The following CMIP variants were observed in gnomAD, a reference collection of about 807,000 sequenced individuals.
CMIP encodes C-Maf-inducing protein.
Under a neutral mutation model 97.3 loss-of-function variants are expected in CMIP, and 13 were observed. The observed-to-expected ratio is 0.13, with a 90% CI of 0.09 to 0.21. The LOEUF is 0.21. Among genes scored for constraint, CMIP ranks in the 10% least tolerant of loss-of-function variants. The probability of loss-of-function intolerance (pLI) is 1.00; values close to 1 mark genes in which losing one functional copy is unlikely to be tolerated. For missense variants in CMIP, 847 were observed against 1,024.9 expected, an observed-to-expected ratio of 0.83 and a Z score of 2.37; for synonymous variants, 538 against 436.3, an observed-to-expected ratio of 1.23 and a Z score of -2.91.
chr16:81,484,194 C>G (rs558633905), intron 1 of CMIP, among the ~76,000 whole-genome samples: 137 of 152,266 alleles, frequency 9.0e-4, no homozygotes, highest in African/African-American at 3.1e-3. Context: ...GGAAGTCGCC[C>G]TTCCCTGGCG....
chr16:81,571,688 G>A lies in CMIP; in HGVS notation c.301-35879G>A, dbSNP rs192021359. 1.1e-3 allele frequency among the ~76,000 whole-genome samples: 163 copies of A among 152,170 alleles called. 1 individual carries two copies. Among genetic ancestry groups the A allele is most frequent in the African/African-American group, 3.8e-3 (158 of 41,506 alleles). ...GGGATCTTGGTACAGACGAGCAAGC[G>A]GTCCCTTCCTTGGTGTGTGTAGGAC... On this transcript the variant is annotated intron_variant, in intron 1 of 20. Transcript: ENST00000537098.
intron 13 of CMIP, among the ~76,000 whole-genome samples, chr16:81,694,087 C>T (rs1191166747): frequency 1.3e-5 from 2 of 152,200 alleles, no homozygotes; most frequent in African/African-American, 4.8e-5. Flanking sequence ...GGTGCTGTGC[C>T]CCGGGTCACA....
chr16:81,558,278 C>T (rs2090807943), intron 1 of CMIP, among the ~76,000 whole-genome samples: 1 of 152,176 alleles, frequency 6.6e-6, no homozygotes, highest in African/African-American at 2.4e-5. Flanking sequence ...ATCCCTCCAT[C>T]AGCAGACACG....
At chr16:81,691,655 C>A in intron 10 of CMIP, 120 bp from the exon 11 acceptor site, 1 of 755,176 alleles carries the variant, frequency 1.3e-6, no homozygotes, top group Non-Finnish European at 2.3e-6. Context: ...GTGGAGAAGT[C>A]AGTGCCACTG....
In CMIP at chr16:81,614,705, G is replaced by A. The variant is rs1414051216; in HGVS notation, c.427-6171G>A. Reference sequence around the variant, plus strand: ...ATGTGTGTGTGTGTGTGTATGGTATGTCTGCATGTGTGTGCGTACACATGT... The same window carrying A: ...ATGTGTGTGTGTGTGTGTATGGTATATCTGCATGTGTGTGCGTACACATGT... On this transcript the variant is annotated intron_variant, in intron 2 of 20. Coordinates refer to ENST00000537098, the MANE Select transcript of CMIP (RefSeq NM_198390.3). The surrounding 1 kb of genome is among the most constrained non-coding windows in gnomAD (Gnocchi z 5.3). 6.6e-6 allele frequency among the ~76,000 whole-genome samples: 1 copy of A among 151,674 alleles called. No homozygotes were observed. The highest frequency in any genetic ancestry group is 2.4e-5 in the African/African-American group (1 of 41,210).
At chr16:81,601,012 A>G (rs1255486071) in intron 1 of CMIP, among the ~76,000 whole-genome samples, 1 of 152,276 alleles carries the variant, frequency 6.6e-6, no homozygotes, top group Non-Finnish European at 1.5e-5. Flanking sequence ...ACTGTGCAGC[A>G]TGGGTGTCCC....
intron 1 of CMIP, among the ~76,000 whole-genome samples, chr16:81,581,356 G>A (rs2091293817): frequency 6.6e-6 from 1 of 152,120 alleles, no homozygotes; most frequent in Non-Finnish European, 1.5e-5. Context: ...AAGCCTCGAT[G>A]GTGTAGCCTG....
chr16:81,530,096 A>G (rs553507566), intron 1 of CMIP, among the ~76,000 whole-genome samples: 1 of 152,344 alleles, frequency 6.6e-6, no homozygotes, highest in East Asian at 1.9e-4. Flanking sequence ...TCTTTCAGTC[A>G]GGCCGCTATA....
chr16:81,537,262 C>T (rs913096572), intron 1 of CMIP, among the ~76,000 whole-genome samples: 9 of 152,002 alleles, frequency 5.9e-5, no homozygotes, highest in African/African-American at 1.9e-4. Context: ...AGGCTGGGGG[C>T]GGTGGCTCAC....
chr16:81,695,027 T>A (rs1323258075), intron 13 of CMIP, among the ~76,000 whole-genome samples: 2 of 152,184 alleles, frequency 1.3e-5, no homozygotes, highest in Non-Finnish European at 2.9e-5. Flanking sequence ...CCTTTGACGC[T>A]GGGAGAACAA....
intron 1 of CMIP, among the ~76,000 whole-genome samples, chr16:81,590,634 G>C (rs1362072548): frequency 6.6e-6 from 1 of 152,218 alleles, no homozygotes; most frequent in African/African-American, 2.4e-5. Flanking sequence ...ATAGAACTTA[G>C]GGATTGGGTT....
At chr16:81,459,376 G>A (rs918647087) in intron 1 of CMIP, among the ~76,000 whole-genome samples, 7 of 152,006 alleles carry the variant, frequency 4.6e-5, no homozygotes, top group East Asian at 3.9e-4. Flanking sequence ...CTGTGACCCC[G>A]TGCCGTGACC....
chr16:81,562,248 T>C (rs2090897285), intron 1 of CMIP, among the ~76,000 whole-genome samples: 1 of 152,198 alleles, frequency 6.6e-6, no homozygotes, highest in South Asian at 2.1e-4. Context: ...TCAGCCCCCA[T>C]TGTGCAGCAG....
In CMIP at chr16:81,652,878, G is replaced by A. The variant is rs540695112; in HGVS notation, c.639+514G>A. 1.3e-5 allele frequency among the ~76,000 whole-genome samples: 2 copies of A among 152,286 alleles called. No individual in the cohort carries two copies. Among genetic ancestry groups the A allele is most frequent in the African/African-American group, 4.8e-5 (2 of 41,566 alleles). On this transcript the variant is annotated intron_variant, in intron 4 of 20. Transcript: ENST00000537098. The surrounding 1 kb of genome is among the most constrained non-coding windows in gnomAD (Gnocchi z 5.2). ...GCCACCCGTCGGCTGGGCCTCCTGT[G>A]CCATCTGCTTTGCTGGCCTCCTCGC...
intron 13 of CMIP, among the ~76,000 whole-genome samples, chr16:81,694,543 G>A (rs1431280077): frequency 6.6e-6 from 1 of 152,198 alleles, no homozygotes; most frequent in Non-Finnish European, 1.5e-5. Flanking sequence ...ACCATGGCAG[G>A]TCTCTCTGAC....
intron 1 of CMIP, among the ~76,000 whole-genome samples, chr16:81,573,703 G>A (rs551617559): frequency 1.5e-4 from 23 of 152,168 alleles, no homozygotes; most frequent in Admixed American, 1.0e-3. Flanking sequence ...TGAGAGAAGG[G>A]TTTTTTAAAC....
chr16:81,523,681 C>G (rs763625206), intron 1 of CMIP, among the ~76,000 whole-genome samples: 40 of 152,208 alleles, frequency 2.6e-4, no homozygotes, highest in Non-Finnish European at 2.9e-5. Context: ...TGGAAAAGAA[C>G]CAAGAGGACA....
chr16:81,521,445 G>T (rs550375020), intron 1 of CMIP, among the ~76,000 whole-genome samples: 1 of 151,980 alleles, frequency 6.6e-6, no homozygotes, highest in African/African-American at 2.4e-5. Context: ...ACCGGTGACC[G>T]CCAAGGTCGG....
At chr16:81,545,724 C>T (rs1317813258) in intron 1 of CMIP, among the ~76,000 whole-genome samples, 1 of 152,150 alleles carries the variant, frequency 6.6e-6, no homozygotes, top group African/African-American at 2.4e-5. Context: ...GCATTGTTTC[C>T]AAATGATGGT....
Sources: gnomAD v4.1 joint callset for allele counts (sites outside exome capture counted in the v4.1 genomes callset) on GRCh38, gnomAD v4.1.1 for gene constraint, Gnocchi (gnomAD v3.1) non-coding constraint, MANE v1.5 for transcripts, NCBI Gene and HGNC (gene_info 2026-07-23, HGNC 2026-07-21) for gene names.